Variants in INPP4B observed in about 807,000 individuals in gnomAD.
The protein encoded by INPP4B is inositol polyphosphate-4-phosphatase type II B, also known as inositol polyphosphate 4-phosphatase type II.
In INPP4B, 55 loss-of-function variants were observed where a neutral mutation model predicts 122.5. The ratio of observed to expected loss-of-function variants is 0.45; its 90% CI spans 0.36 to 0.56. The LOEUF (loss-of-function observed/expected upper bound fraction) is 0.56. Among genes scored for constraint, INPP4B ranks in the 20% least tolerant of loss-of-function variants. INPP4B has a pLI of 0.00. For missense variants in INPP4B, 1,000 were observed against 1,097.7 expected, an observed-to-expected ratio of 0.91 and a Z score of 1.26; for synonymous variants, 403 against 388.7, an observed-to-expected ratio of 1.04 and a Z score of -0.43.
chr4:142,634,448 A>T (rs927462161), intron 2 of INPP4B, among the ~76,000 whole-genome samples: 2 of 152,204 alleles, frequency 1.3e-5, no homozygotes, highest in African/African-American at 4.8e-5. Flanking sequence ...AACCTTATGT[A>T]AGAAAAATCA....
At position 142,399,189 on chromosome 4, in the gene INPP4B, C is replaced by CTTTTTTTTTTTT. The variant is rs70949166; in HGVS notation, c.372+3737_372+3748dup. Among the ~76,000 whole-genome samples the CTTTTTTTTTTTT allele has an allele frequency of 1.1e-4, 6 of 56,948 alleles. 1 individual carries two copies. The highest frequency in any genetic ancestry group is 4.2e-4 in the African/African-American group (6 of 14,266). 37.4% of individuals were successfully genotyped at this position (56,948 alleles called of 152,430 possible). On this transcript the variant is annotated intron_variant, in intron 7 of 25. Transcript: ENST00000262992. ...CTTTTCCTTTCTAAATTTCCTTTTG[C>CTTTTTTTTTTTT]TTTTTTTTTTTTTTTTTTTTTTTTT...
At chr4:142,431,761 C>T (rs1289265454) in intron 3 of INPP4B, among the ~76,000 whole-genome samples, 2 of 152,062 alleles carry the variant, frequency 1.3e-5, no homozygotes, top group Non-Finnish European at 2.9e-5. Flanking sequence ...ATATTACTAT[C>T]GTTCTTTCCA....
At chr4:142,335,239 A>G (rs572323456) in intron 7 of INPP4B, among the ~76,000 whole-genome samples, 1 of 152,062 alleles carries the variant, frequency 6.6e-6, no homozygotes, top group African/African-American at 2.4e-5. Flanking sequence ...CTTTATTAAT[A>G]GTGACTCAGA....
chr4:142,652,958 ACCT>A (rs1263330593), intron 2 of INPP4B, among the ~76,000 whole-genome samples: 3 of 152,214 alleles, frequency 2.0e-5, no homozygotes, highest in African/African-American at 7.2e-5. Context: ...GCATCATGCT[ACCT>A]GACTTCAAAC....
intron 2 of INPP4B, among the ~76,000 whole-genome samples, chr4:142,644,261 T>G (rs1298022748): frequency 5.8e-4 from 52 of 90,116 alleles, no homozygotes; most frequent in Admixed American, 1.1e-3. Context: ...AGGAAGGGGG[T>G]CAGGAGGAGG....
At chr4:142,134,672 C>G (rs1304461364) in intron 18 of INPP4B, among the ~76,000 whole-genome samples, 1 of 151,884 alleles carries the variant, frequency 6.6e-6, no homozygotes, top group East Asian at 1.9e-4. Flanking sequence ...TGGCGCATGC[C>G]TGTAATCCCA....
At chr4:142,672,476 T>C (rs535403533) in intron 2 of INPP4B, among the ~76,000 whole-genome samples, 1 of 152,262 alleles carries the variant, frequency 6.6e-6, no homozygotes, top group South Asian at 2.1e-4. Context: ...TAGTATTCCC[T>C]TGTGGTTTCA....
intron 9 of INPP4B, among the ~76,000 whole-genome samples, chr4:142,282,618 G>T (rs114989507): frequency 6.6e-6 from 1 of 152,052 alleles, no homozygotes; most frequent in South Asian, 2.1e-4. Context: ...ACTGAGGTTC[G>T]CATTTTCTTG....
In INPP4B at chr4:142,564,450, AAAAAG is replaced by A. The variant is rs1453024810; in HGVS notation, c.-190-101729_-190-101725del. Reference sequence around the variant, plus strand: ...GTCTTAAGGAATGGCAAAAAAAAAAAAAAAGAAAGAAAGAAAGAAAGAAAGAAAAA... The same window carrying A: ...GTCTTAAGGAATGGCAAAAAAAAAAAAAAGAAAGAAAGAAAGAAAGAAAAA... On this transcript the variant is annotated intron_variant, in intron 2 of 25. Coordinates refer to ENST00000262992, the MANE Select transcript of INPP4B (RefSeq NM_001101669.3). Among the ~76,000 whole-genome samples the A allele has an allele frequency of 5.8e-5, 5 of 85,574 alleles. No homozygotes were observed. In the South Asian group the frequency reaches 1.3e-3, roughly 22 times the overall value. The allele number at this position is 85,574 out of a possible 152,430, so 56.1% of individuals were successfully genotyped here.
intron 23 of INPP4B, among the ~76,000 whole-genome samples, chr4:142,097,154 C>T (rs912091221): frequency 1.1e-4 from 17 of 151,896 alleles, no homozygotes; most frequent in Non-Finnish European, 8.8e-5. Flanking sequence ...CCAGGTCATA[C>T]ATTTTTTTAT....
intron 21 of INPP4B, among the ~76,000 whole-genome samples, chr4:142,117,341 T>C (rs1055349104): frequency 6.6e-6 from 1 of 152,054 alleles, no homozygotes; most frequent in African/African-American, 2.4e-5. Context: ...TACCAAAGCC[T>C]GGCAGAGACA....
chr4:142,394,056 C>T (rs1168248869), intron 7 of INPP4B, among the ~76,000 whole-genome samples: 1 of 152,186 alleles, frequency 6.6e-6, no homozygotes, highest in Non-Finnish European at 1.5e-5. Context: ...GAGAAACCGC[C>T]ATAGTGTTTT....
intron 2 of INPP4B, among the ~76,000 whole-genome samples, chr4:142,564,792 G>A (rs1412910656): frequency 1.3e-5 from 2 of 152,040 alleles, no homozygotes; most frequent in African/African-American, 4.8e-5. Flanking sequence ...AATGGGAGGA[G>A]TCCAGTAGTG....
chr4:142,706,813 C>T (rs1373391302), intron 2 of INPP4B, among the ~76,000 whole-genome samples: 1 of 152,208 alleles, frequency 6.6e-6, no homozygotes, highest in African/African-American at 2.4e-5. Flanking sequence ...CAGGCCTTGT[C>T]TAAAGACGCT....
chr4:142,225,794 T>C (rs1266770830), intron 12 of INPP4B, among the ~76,000 whole-genome samples: 1 of 152,162 alleles, frequency 6.6e-6, no homozygotes, highest in African/African-American at 2.4e-5. Flanking sequence ...TGAGGTTCAT[T>C]TCCACTGAAA....
chr4:142,620,824 G>C (rs981791930), intron 2 of INPP4B, among the ~76,000 whole-genome samples: 1 of 151,758 alleles, frequency 6.6e-6, no homozygotes, highest in African/African-American at 2.4e-5. Flanking sequence ...TTGTGTTTCT[G>C]ACTTTAACCA....
chr4:142,100,077 A>G (rs1265303205), intron 23 of INPP4B, among the ~76,000 whole-genome samples: 1 of 152,168 alleles, frequency 6.6e-6, no homozygotes, highest in Non-Finnish European at 1.5e-5. Flanking sequence ...GCAAGGAAAG[A>G]TACTGAGTAG....
At chr4:142,442,166 A>ATATGGGTGG in intron 3 of INPP4B, among the ~76,000 whole-genome samples, 1 of 152,190 alleles carries the variant, frequency 6.6e-6, no homozygotes, top group African/African-American at 2.4e-5. Flanking sequence ...TAATCCCAGC[A>ATATGGGTGG]CTTTGGGAGG....
At chr4:142,691,595 C>T (rs1760189784) in intron 2 of INPP4B, among the ~76,000 whole-genome samples, 1 of 152,134 alleles carries the variant, frequency 6.6e-6, no homozygotes, top group Non-Finnish European at 1.5e-5. Flanking sequence ...AAAACACAAA[C>T]TCAGAATCCT....
Sources: allele counts gnomAD v4.1 joint callset (sites outside exome capture counted in the v4.1 genomes callset), GRCh38; gene constraint gnomAD v4.1.1; transcripts MANE v1.5; gene names NCBI Gene and HGNC (gene_info 2026-07-23, HGNC 2026-07-21).